The following UNC13C variants were observed in gnomAD, a reference collection of about 807,000 sequenced individuals.
The protein encoded by UNC13C is unc-13 homolog C, also known as protein unc-13 homolog C.
Under a neutral mutation model 245.4 loss-of-function variants are expected in UNC13C, and 174 were observed. The observed-to-expected ratio is 0.71, with a 90% CI of 0.63 to 0.80. The LOEUF (loss-of-function observed/expected upper bound fraction) is 0.80. Ranked by LOEUF, UNC13C falls within the 30% of genes least tolerant of loss-of-function variation. The pLI, the probability that UNC13C is intolerant of heterozygous loss-of-function variation, is 0.00. For missense variants in UNC13C, 2,829 were observed against 2,602.9 expected (o/e 1.09, Z -1.89); for synonymous variants, 992 against 895.1 (o/e 1.11, Z -1.93).
At chr15:54,240,318 C>A (rs761619817) in intron 7 of UNC13C, among the ~76,000 whole-genome samples, 2 of 152,132 alleles carry the variant, frequency 1.3e-5, no homozygotes, top group East Asian at 3.9e-4. Flanking sequence ...GACGAGCTGT[C>A]GCATTCAGTC....
chr15:54,135,858 G>A lies in UNC13C; in HGVS notation c.2984-7160G>A, dbSNP rs796665673. Among the ~76,000 whole-genome samples the A allele has an allele frequency of 9.9e-5, 15 of 152,152 alleles. 2 individuals carry two copies. Among genetic ancestry groups the A allele is most frequent in the African/African-American group, 3.6e-4 (15 of 41,528 alleles). On this transcript the variant is annotated intron_variant, in intron 2 of 32. Coordinates refer to ENST00000260323, the MANE Select transcript of UNC13C (RefSeq NM_001080534.3). Reference sequence around the variant, plus strand: ...AAAAAGCCATTGGAATTCTGGTAGAGATTCCTTTGACTCTGTAAGCCTTTG... The same window carrying A: ...AAAAAGCCATTGGAATTCTGGTAGAAATTCCTTTGACTCTGTAAGCCTTTG...
intron 19 of UNC13C, among the ~76,000 whole-genome samples, chr15:54,492,409 T>C (rs1893755748): frequency 6.6e-6 from 1 of 152,182 alleles, no homozygotes; most frequent in Non-Finnish European, 1.5e-5. Context: ...TGTATCTAGA[T>C]TTTAAAAATA....
At chr15:54,071,586 A>G (rs1898329580) in intron 2 of UNC13C, among the ~76,000 whole-genome samples, 1 of 152,162 alleles carries the variant, frequency 6.6e-6, no homozygotes, top group Non-Finnish European at 1.5e-5. Flanking sequence ...ACAATGGTCT[A>G]TGGGGCACAT....
At chr15:54,470,945 A>T (rs1368064453) in intron 19 of UNC13C, among the ~76,000 whole-genome samples, 1 of 150,832 alleles carries the variant, frequency 6.6e-6, no homozygotes, top group African/African-American at 2.4e-5. Context: ...ATATTTTCAA[A>T]TTTTTTCATT....
chr15:54,557,239 C>T (rs1322191966), intron 29 of UNC13C, among the ~76,000 whole-genome samples: 2 of 151,880 alleles, frequency 1.3e-5, no homozygotes, highest in Admixed American at 6.6e-5. Flanking sequence ...AGCCCCAAAG[C>T]GTGTGTCAGT....
At chr15:54,623,618 G>A (rs1900939774) in intron 31 of UNC13C, among the ~76,000 whole-genome samples, 177 bp from the exon 32 acceptor site, 1 of 152,178 alleles carries the variant, frequency 6.6e-6, no homozygotes, top group African/African-American at 2.4e-5. Context: ...AAAGCTGAAA[G>A]CTCCATCAGG....
the UNC13C span, among the ~76,000 whole-genome samples, chr15:53,869,481 T>C: frequency 1.3e-5 from 2 of 152,200 alleles, no homozygotes; most frequent in Non-Finnish European, 2.9e-5. Context: ...TTTCTTTCAA[T>C]GTTAGGATGA....
At position 54,226,800 on chromosome 15, in the gene UNC13C, G is replaced by A. The variant is rs138752622; in HGVS notation, c.3072-8230G>A. On this transcript the variant is annotated intron_variant, in intron 4 of 32. Coordinates refer to ENST00000260323, the MANE Select transcript of UNC13C (RefSeq NM_001080534.3). Reference sequence around the variant, plus strand: ...GTACTCCATGTGGCTTGCGCTGTAGGCACCTGTGTCTGGACAGAGGGATCA... The same window carrying A: ...GTACTCCATGTGGCTTGCGCTGTAGACACCTGTGTCTGGACAGAGGGATCA... Among the ~76,000 whole-genome samples the A allele has an allele frequency of 5.6e-3, 859 of 152,284 alleles. 11 individuals carry two copies. Among genetic ancestry groups the A allele is most frequent in the Non-Finnish European group, 5.1e-3 (345 of 68,030 alleles).
chr15:54,465,778 G>C (rs1436822554), intron 19 of UNC13C, among the ~76,000 whole-genome samples: 1 of 151,942 alleles, frequency 6.6e-6, no homozygotes, highest in Non-Finnish European at 1.5e-5. Context: ...TTCAGAAACA[G>C]AATTACCAGA....
intron 14 of UNC13C, among the ~76,000 whole-genome samples, chr15:54,324,370 C>T (rs2038240083): frequency 6.6e-6 from 1 of 152,002 alleles, no homozygotes; most frequent in Admixed American, 6.6e-5. Context: ...GTAGAAAAAG[C>T]TTTCTTACCT....
the UNC13C span, among the ~76,000 whole-genome samples, chr15:53,904,818 CA>C: frequency 6.6e-6 from 1 of 152,222 alleles, no homozygotes; most frequent in African/African-American, 2.4e-5. Context: ...ATACCTTGGG[CA>C]AGTTACTTAG....
At chr15:53,997,002 G>A (rs988351935) in intron 1 of UNC13C, among the ~76,000 whole-genome samples, 1 of 151,938 alleles carries the variant, frequency 6.6e-6, no homozygotes, top group African/African-American at 2.4e-5. Flanking sequence ...CCATTCCTAA[G>A]GTGATTTTAT....
intron 19 of UNC13C, among the ~76,000 whole-genome samples, chr15:54,434,085 A>T (rs192004618): frequency 6.6e-6 from 1 of 152,280 alleles, no homozygotes; most frequent in East Asian, 1.9e-4. Flanking sequence ...ATAAGAGAAG[A>T]CACAAACAAA....
rs1287294151 is a variant in UNC13C, at chr15:54,076,108, TATA to T, written c.2983+60223_2983+60225del. Among the ~76,000 whole-genome samples, 14 of 143,226 alleles carry T rather than the reference TATA, an allele frequency of 9.8e-5. No homozygotes were observed. The East Asian group carries it at 1.5e-3, about 15-fold the overall frequency. The allele number at this position is 143,226 out of a possible 152,430, so 94.0% of individuals were successfully genotyped here. On this transcript the variant is annotated intron_variant, in intron 2 of 32. Coordinates refer to ENST00000260323, the MANE Select transcript of UNC13C (RefSeq NM_001080534.3). ...TTGTCTCCCAGTATTCATATATATATATATTTTTTTTTATTATACTTTAAGTTT... is the reference window on the plus strand; with the variant it reads ...TTGTCTCCCAGTATTCATATATATATTTTTTTTTTATTATACTTTAAGTTT...
Position 54,573,667 on chromosome 15 carries a change from G to A in UNC13C, c.6106+5720G>A, listed in dbSNP as rs545304918. 1.7e-4 allele frequency among the ~76,000 whole-genome samples: 26 copies of A among 152,308 alleles called. No individual in the cohort carries two copies. The East Asian group carries it at 4.6e-3, about 27-fold the overall frequency. ...GTTGCTCTAATATGGTGCTTCTCAA[G>A]TAGGGGTGGTTTTCCCCCTCAGGAG... On this transcript the variant is annotated intron_variant, in intron 30 of 32. Transcript: ENST00000260323.
At chr15:53,839,008 A>G in the UNC13C span, among the ~76,000 whole-genome samples, 1 of 152,144 alleles carries the variant, frequency 6.6e-6, no homozygotes. Context: ...TCAAAATATT[A>G]TATTACTTTC....
chr15:53,901,049 A>G, the UNC13C span, among the ~76,000 whole-genome samples: 2 of 152,084 alleles, frequency 1.3e-5, no homozygotes, highest in South Asian at 2.1e-4. Context: ...AAACACATAT[A>G]AAGTATAATA....
chr15:54,195,314 G>T (rs113301615), intron 4 of UNC13C, among the ~76,000 whole-genome samples: 6 of 152,258 alleles, frequency 3.9e-5, no homozygotes, highest in African/African-American at 1.4e-4. Context: ...TATGCTGAGA[G>T]AACAGTCGTT....
At chr15:54,295,659 AT>A (rs929134992) in intron 11 of UNC13C, among the ~76,000 whole-genome samples, 1 of 138,776 alleles carries the variant, frequency 7.2e-6, no homozygotes, top group East Asian at 2.1e-4. Flanking sequence ...TAAAAAAAAA[AT>A]AAATACATAA....
Sources: allele counts gnomAD v4.1 joint callset (sites outside exome capture counted in the v4.1 genomes callset), GRCh38; gene constraint gnomAD v4.1.1; transcripts MANE v1.5; gene names NCBI Gene and HGNC (gene_info 2026-07-23, HGNC 2026-07-21).